Variants in STAT4 observed in about 807,000 individuals in gnomAD.
STAT4 encodes signal transducer and activator of transcription 4.
In STAT4, 42 loss-of-function variants were observed where a neutral mutation model predicts 110.5. The ratio of observed to expected loss-of-function variants is 0.38; its 90% CI spans 0.30 to 0.49. STAT4 has a LOEUF of 0.49. Ranked by LOEUF, STAT4 falls within the 20% of genes least tolerant of loss-of-function variation. The probability of loss-of-function intolerance (pLI) is 0.95; values close to 1 mark genes in which losing one functional copy is unlikely to be tolerated. For missense variants in STAT4, 632 were observed against 887.9 expected (o/e 0.71, Z 3.66); for synonymous variants, 284 against 302.2 (o/e 0.94, Z 0.63).
intron 13 of STAT4, among the ~76,000 whole-genome samples, chr2:191,055,931 G>A (rs928727270): frequency 3.3e-5 from 5 of 152,088 alleles, no homozygotes; most frequent in African/African-American, 1.2e-4. Context: ...GAAAGTTCCT[G>A]GATGGTAGGA....
intron 3 of STAT4, among the ~76,000 whole-genome samples, chr2:191,080,062 C>A (rs937934348): frequency 1.3e-5 from 2 of 152,010 alleles, no homozygotes; most frequent in East Asian, 3.8e-4. Flanking sequence ...AATTTTTCTT[C>A]TTGTGCTACT....
intron 3 of STAT4, among the ~76,000 whole-genome samples, chr2:191,096,637 T>C (rs567697016): frequency 6.6e-6 from 1 of 152,280 alleles, no homozygotes; most frequent in South Asian, 2.1e-4. Flanking sequence ...ATAAGAGCTA[T>C]TTATGAAAAA....
intron 3 of STAT4, among the ~76,000 whole-genome samples, chr2:191,084,548 T>C (rs1697582464): frequency 6.6e-6 from 1 of 152,098 alleles, no homozygotes; most frequent in Non-Finnish European, 1.5e-5. Flanking sequence ...CAAGAAGGCA[T>C]GGGGAGGTGG....
In STAT4 at chr2:191,104,033, G is replaced by A. The variant is rs1698212433; in HGVS notation, c.274-27708C>T. On this transcript the variant is annotated intron_variant, in intron 3 of 23. Transcript: ENST00000392320. This position sits in a 1 kb window ranked among gnomAD's most constrained non-coding sequence, Gnocchi z 4.3. ...GAGTAATAGGTTGCTAAGTGTTCTA[G>A]GTATCAAGGCCTTTGTGATAGCTTT... Among the ~76,000 whole-genome samples, 1 of 152,018 alleles carries A rather than the reference G, an allele frequency of 6.6e-6. No homozygotes were observed. Among genetic ancestry groups the A allele is most frequent in the Non-Finnish European group, 1.5e-5 (1 of 67,986 alleles).
At chr2:191,072,429 G>T (rs1005326966) in intron 5 of STAT4, among the ~76,000 whole-genome samples, 1 of 152,090 alleles carries the variant, frequency 6.6e-6, no homozygotes, top group South Asian at 2.1e-4. Context: ...TGTTTTACTT[G>T]TTATGGAGGA....
In STAT4 at chr2:191,033,846, A is replaced by G; in HGVS notation, c.1715+65T>C. On this transcript the variant is annotated intron_variant, in intron 19 of 23. Transcript: ENST00000392320. This position sits in a 1 kb window ranked among gnomAD's most constrained non-coding sequence, Gnocchi z 6.9. ...ATGCTTAAGAGAAAAAGAAAGAAGA[A>G]AACCAATAACAACAGAAAAAAAGAA... 1 of 1,444,220 alleles carries G rather than the reference A, an allele frequency of 6.9e-7. No individual in the cohort carries two copies. Among genetic ancestry groups the G allele is most frequent in the South Asian group, 1.3e-5 (1 of 77,244 alleles). The allele number at this position is 1,444,220 out of a possible 1,614,324, so 89.5% of individuals were successfully genotyped here. A position where few individuals can be genotyped will look rare whatever the true frequency, so the allele number is the denominator to read the frequency against.
intron 4 of STAT4, among the ~76,000 whole-genome samples, chr2:191,075,639 G>C (rs548630695): frequency 1.3e-5 from 2 of 152,180 alleles, no homozygotes; most frequent in South Asian, 2.1e-4. Flanking sequence ...GTACAAATGG[G>C]AAATGATGTA....
chr2:191,136,884 C>T (rs1255412996), intron 3 of STAT4, among the ~76,000 whole-genome samples: 1 of 152,018 alleles, frequency 6.6e-6, no homozygotes, highest in African/African-American at 2.4e-5. Context: ...AATTAACATA[C>T]AAAAATCAGT....
intron 1 of STAT4, among the ~76,000 whole-genome samples, 184 bp from the exon 2 acceptor site, chr2:191,148,388 G>A (rs1354399983): frequency 6.6e-6 from 1 of 151,644 alleles, no homozygotes; most frequent in Non-Finnish European, 1.5e-5. Context: ...TTCTTTCTGT[G>A]CCCCTAAACT....
rs1047999270 is a variant in STAT4 at position 191,059,858 on chromosome 2, A to C, written c.1035-1089T>G. Among the ~76,000 whole-genome samples the C allele has an allele frequency of 2.0e-5, 3 of 152,186 alleles. No homozygotes were observed. Among genetic ancestry groups the C allele is most frequent in the Non-Finnish European group, 4.4e-5 (3 of 68,024 alleles). On this transcript the variant is annotated intron_variant, in intron 10 of 23. Transcript: ENST00000392320. The surrounding 1 kb of genome is among the most constrained non-coding windows in gnomAD (Gnocchi z 4.7). The stretch of plus-strand genomic sequence containing the variant: ...GTGGTGAATGGTGAGAAGGGGGCAT[A>C]GTCACATAAAATCAGGCCAGATGTT...
intron 3 of STAT4, among the ~76,000 whole-genome samples, chr2:191,095,527 G>A (rs989419800): frequency 9.9e-5 from 15 of 152,276 alleles, no homozygotes; most frequent in Middle Eastern, 3.4e-3. Context: ...GGTAAATAAT[G>A]AAATGAAGGC....
intron 14 of STAT4, among the ~76,000 whole-genome samples, chr2:191,045,784 T>C (rs1185850967): frequency 6.6e-6 from 1 of 152,234 alleles, no homozygotes; most frequent in African/African-American, 2.4e-5. Context: ...CAGATAGTTA[T>C]ATTGACAAGG....
At position 191,043,754 on chromosome 2, in the gene STAT4, C is replaced by T. The variant is rs78914131; in HGVS notation, c.1252-2606G>A. Among the ~76,000 whole-genome samples the T allele has an allele frequency of 3.6e-4, 54 of 152,078 alleles. No individual in the cohort carries two copies. The highest frequency in any genetic ancestry group is 3.4e-3 in the Middle Eastern group (1 of 294). On this transcript the variant is annotated intron_variant, in intron 14 of 23. Transcript: ENST00000392320. The surrounding 1 kb of genome is among the most constrained non-coding windows in gnomAD (Gnocchi z 4.8). ...ATTTATAGAGCAAAAAACTATACAG[C>T]GTTGGAATAAATGATCCACAGCAAC...
chr2:191,029,786 A>T lies in STAT4; in HGVS notation c.*54T>A. ...AAAATGTGGTTATTGGGCAAAGAACAGTCTTTAAACTTTTTCATTTGCTTC... is the reference window on the plus strand; with the variant it reads ...AAAATGTGGTTATTGGGCAAAGAACTGTCTTTAAACTTTTTCATTTGCTTC... On this transcript the variant is annotated 3_prime_UTR_variant, in exon 24 of 24. Coordinates refer to ENST00000392320, the MANE Select transcript of STAT4 (RefSeq NM_003151.4). The surrounding 1 kb of genome is among the most constrained non-coding windows in gnomAD (Gnocchi z 4.5). The T allele has an allele frequency of 1.3e-6, 2 of 1,521,824 alleles. No homozygotes were observed. Among genetic ancestry groups the T allele is most frequent in the South Asian group, 2.4e-5 (2 of 84,602 alleles). The allele number at this position is 1,521,824 out of a possible 1,614,324, so 94.3% of individuals were successfully genotyped here.
chr2:191,076,162 T>C (rs571879344), intron 4 of STAT4, 65 bp downstream of exon 4: 1 of 1,344,648 alleles, frequency 7.4e-7, no homozygotes, highest in South Asian at 1.2e-5. Flanking sequence ...CCAAAGATAA[T>C]AATTTCTGTT....
At chr2:191,036,860 A>G (rs945795850) in intron 16 of STAT4, among the ~76,000 whole-genome samples, 1 of 152,304 alleles carries the variant, frequency 6.6e-6, no homozygotes. Flanking sequence ...AATTCAATAT[A>G]TAGGATTCCT....
In STAT4 at chr2:191,031,122, A is replaced by C; in HGVS notation, c.2112-42T>G. The C allele has an allele frequency of 6.3e-7, 1 of 1,589,296 alleles. No individual in the cohort carries two copies. The highest frequency in any genetic ancestry group is 2.2e-5 in the East Asian group (1 of 44,758). Reference sequence around the variant, plus strand: ...GGTCAATATGGACAAGGATTAAAAAATAATAATAGTTCACGGTGACTTACT... The same window carrying C: ...GGTCAATATGGACAAGGATTAAAAACTAATAATAGTTCACGGTGACTTACT... On this transcript the variant is annotated intron_variant, in intron 22 of 23. Coordinates refer to ENST00000392320, the MANE Select transcript of STAT4 (RefSeq NM_003151.4). The surrounding 1 kb of genome is among the most constrained non-coding windows in gnomAD (Gnocchi z 4.8).
rs1376720269 is a variant in STAT4, at chr2:191,140,508, G to T, written c.273+6105C>A. Among the ~76,000 whole-genome samples, 1 of 152,014 alleles carries T rather than the reference G, an allele frequency of 6.6e-6. No homozygotes were observed. The highest frequency in any genetic ancestry group is 1.5e-5 in the Non-Finnish European group (1 of 67,958). The stretch of plus-strand genomic sequence containing the variant: ...GTAAAAATGCTCAACATCACTAATT[G>T]TCAGTAAAATACAAATTAAAAACCA... On this transcript the variant is annotated intron_variant, in intron 3 of 23. Transcript: ENST00000392320. The surrounding 1 kb of genome is among the most constrained non-coding windows in gnomAD (Gnocchi z 4.4).
Position 191,117,690 on chromosome 2 carries a change from T to C in STAT4, c.273+28923A>G, listed in dbSNP as rs1472783887. 2.6e-5 allele frequency among the ~76,000 whole-genome samples: 4 copies of C among 152,016 alleles called. No individual in the cohort carries two copies. Among genetic ancestry groups the C allele is most frequent in the South Asian group, 2.1e-4 (1 of 4,832 alleles). On this transcript the variant is annotated intron_variant, in intron 3 of 23. Coordinates refer to ENST00000392320, the MANE Select transcript of STAT4 (RefSeq NM_003151.4). The surrounding 1 kb of genome is among the most constrained non-coding windows in gnomAD (Gnocchi z 5.2). ...GGCAGAGGGCATTGCAAGCAATGAG[T>C]AGAGTCCATTCTAAGAATACAAAAT...
Sources: gnomAD v4.1 joint callset for allele counts (sites outside exome capture counted in the v4.1 genomes callset) on GRCh38, gnomAD v4.1.1 for gene constraint, Gnocchi (gnomAD v3.1) non-coding constraint, MANE v1.5 for transcripts, NCBI Gene and HGNC (gene_info 2026-07-23, HGNC 2026-07-21) for gene names.